The following COL11A1 variants were observed in gnomAD, a reference collection of about 807,000 sequenced individuals.
The protein encoded by COL11A1 is collagen alpha-1(XI) chain.
Under a neutral mutation model 265.2 loss-of-function variants are expected in COL11A1, and 74 were observed. The ratio of observed to expected loss-of-function variants is 0.28; its 90% CI spans 0.23 to 0.34. The LOEUF is 0.34. Ranked by LOEUF, COL11A1 falls within the 10% of genes least tolerant of loss-of-function variation. The pLI is 1.00. For synonymous variants in COL11A1, 816 were observed against 727.6 expected (o/e 1.12, Z -1.96); for missense variants, 2,165 against 2,263.6 (o/e 0.96, Z 0.88).
rs1156672611 is a variant in COL11A1 at position 102,876,663 on chromosome 1, T to G, written c.*1356A>C. 6.6e-6 allele frequency: 1 copy of G among 152,508 alleles called. No homozygotes were observed. The highest frequency in any genetic ancestry group is 6.6e-5 in the Admixed American group (1 of 15,250). 9.4% of individuals were successfully genotyped at this position (152,508 alleles called of 1,614,324 possible). ...CAGTGAAATCTGGTATCAATTAATT[T>G]AACACTTTATATAAGAAATAAAACA... is the stretch of plus-strand genomic sequence containing the variant. On this transcript the variant is annotated 3_prime_UTR_variant, in exon 67 of 67. Coordinates refer to ENST00000370096, the MANE Select transcript of COL11A1 (RefSeq NM_001854.4).
intron 30 of COL11A1, among the ~76,000 whole-genome samples, chr1:102,987,149 A>C (rs746740489): frequency 6.6e-6 from 1 of 152,064 alleles, no homozygotes; most frequent in Non-Finnish European, 1.5e-5. Context: ...CTAGAAAATA[A>C]GGAGAAGTGA....
chr1:102,922,004 C>T (rs1656041790), intron 47 of COL11A1, among the ~76,000 whole-genome samples: 1 of 152,148 alleles, frequency 6.6e-6, no homozygotes, highest in Non-Finnish European at 1.5e-5. Flanking sequence ...TATGTCAACT[C>T]TTAGGTTCTA....
At chr1:103,079,450 A>G (rs1672230380) in intron 2 of COL11A1, among the ~76,000 whole-genome samples, 1 of 152,062 alleles carries the variant, frequency 6.6e-6, no homozygotes, top group Non-Finnish European at 1.5e-5. Flanking sequence ...TTTTAAATTC[A>G]AGAAGGCAGA....
chr1:103,099,848 C>T (rs1004237122), intron 1 of COL11A1, among the ~76,000 whole-genome samples: 1 of 151,730 alleles, frequency 6.6e-6, no homozygotes, highest in Admixed American at 6.6e-5. Flanking sequence ...TTACTTTTAG[C>T]AAATGAATTT....
At chr1:102,972,560 G>A (rs565954923) in intron 36 of COL11A1, among the ~76,000 whole-genome samples, 2 of 152,086 alleles carry the variant, frequency 1.3e-5, no homozygotes, top group East Asian at 1.9e-4. Flanking sequence ...AAATATAAAG[G>A]CCACAAACTA....
chr1:102,902,916 CATA>C (rs941675793), intron 54 of COL11A1, among the ~76,000 whole-genome samples: 15 of 151,252 alleles, frequency 9.9e-5, no homozygotes, highest in Non-Finnish European at 7.4e-5. Context: ...TGTGTGTGTG[CATA>C]ATAAGTTAAA....
intron 4 of COL11A1, among the ~76,000 whole-genome samples, chr1:103,047,046 T>A (rs912069068): frequency 5.9e-5 from 9 of 152,194 alleles, no homozygotes; most frequent in African/African-American, 1.7e-4. Context: ...GTGGGATGCC[T>A]CCAGCTTTGT....
chr1:103,069,011 G>C (rs1049123558), intron 4 of COL11A1, among the ~76,000 whole-genome samples: 4 of 151,540 alleles, frequency 2.6e-5, no homozygotes, highest in African/African-American at 9.7e-5. Flanking sequence ...ATGATCTGTA[G>C]GTTAAATGAA....
Position 103,098,620 on chromosome 1 carries a change from A to G in COL11A1, c.106+9453T>C, listed in dbSNP as rs60091746. ...TATCTATTTTCCTCTAGATATGGTG[A>G]CAGATGCCAGAATGTTTTGCATCAG... On this transcript the variant is annotated intron_variant, in intron 1 of 66. Transcript: ENST00000370096. 1.6e-3 allele frequency among the ~76,000 whole-genome samples: 237 copies of G among 152,002 alleles called. 1 individual carries two copies. Among genetic ancestry groups the G allele is most frequent in the African/African-American group, 5.6e-3 (232 of 41,538 alleles).
chr1:102,939,312 T>A (rs938698670), intron 43 of COL11A1, among the ~76,000 whole-genome samples: 28 of 152,224 alleles, frequency 1.8e-4, no homozygotes, highest in Non-Finnish European at 3.5e-4. Flanking sequence ...TACAACTGAA[T>A]TTATAATTCA....
intron 54 of COL11A1, among the ~76,000 whole-genome samples, chr1:102,908,837 G>T (rs1654305333): frequency 6.6e-6 from 1 of 151,830 alleles, no homozygotes; most frequent in African/African-American, 2.4e-5. Context: ...TTTTTTAAGG[G>T]TTTTTAAATA....
intron 4 of COL11A1, among the ~76,000 whole-genome samples, chr1:103,037,255 TGTGTGTGTGTG>T (rs1557979337): frequency 0.072 from 1,880 of 26,038 alleles, 50 homozygotes; most frequent in African/African-American, 0.17. Flanking sequence ...ATTTAGATTG[TGTGTGTGTGTG>T]TGTGTGTGTG....
chr1:103,091,598 C>T (rs1470498906), intron 1 of COL11A1, among the ~76,000 whole-genome samples: 1 of 152,068 alleles, frequency 6.6e-6, no homozygotes, highest in Non-Finnish European at 1.5e-5. Flanking sequence ...TACTACAGGA[C>T]ATGGGAAGTG....
At chr1:103,106,586 T>C (rs1355354646) in intron 1 of COL11A1, among the ~76,000 whole-genome samples, 2 of 152,176 alleles carry the variant, frequency 1.3e-5, no homozygotes, top group African/African-American at 2.4e-5. Flanking sequence ...AACTTTTTGA[T>C]GGATTTCACT....
At chr1:102,886,310 T>C (rs766481976) in intron 63 of COL11A1, among the ~76,000 whole-genome samples, 1 of 152,174 alleles carries the variant, frequency 6.6e-6, no homozygotes, top group Non-Finnish European at 1.5e-5. Flanking sequence ...CAATTAAAGA[T>C]ACATTTTTGC....
At chr1:102,990,318 AT>A (rs1312127986) in intron 28 of COL11A1, among the ~76,000 whole-genome samples, 17 of 133,132 alleles carry the variant, frequency 1.3e-4, no homozygotes, top group African/African-American at 3.8e-4. Flanking sequence ...ATTTATGCCT[AT>A]AAATTTTATA....
At chr1:102,981,396 A>G (rs1158988463) in intron 31 of COL11A1, among the ~76,000 whole-genome samples, 27 of 151,342 alleles carry the variant, frequency 1.8e-4, no homozygotes, top group Non-Finnish European at 3.0e-5. Context: ...AAAAATTTTG[A>G]GGGGGGGGAC....
intron 4 of COL11A1, among the ~76,000 whole-genome samples, chr1:103,033,087 TACA>T (rs1284362718): frequency 6.6e-6 from 1 of 152,072 alleles, no homozygotes; most frequent in Admixed American, 6.6e-5. Flanking sequence ...AATTCAACCA[TACA>T]ACATGTGGCC....
intron 37 of COL11A1, among the ~76,000 whole-genome samples, chr1:102,967,763 T>C (rs536726196): frequency 2.0e-5 from 3 of 152,316 alleles, no homozygotes; most frequent in African/African-American, 7.2e-5. Flanking sequence ...AACAGGAAGA[T>C]ATAAAGGCAA....
Sources: allele counts gnomAD v4.1 joint callset (sites outside exome capture counted in the v4.1 genomes callset), GRCh38; gene constraint gnomAD v4.1.1; transcripts MANE v1.5; gene names NCBI Gene and HGNC (gene_info 2026-07-23, HGNC 2026-07-21).